EBF1: variants seen among roughly 807,000 people sequenced by gnomAD.
EBF1 encodes transcription factor COE1.
In EBF1, 10 loss-of-function variants were observed where a neutral mutation model predicts 68.4. The observed-to-expected ratio is 0.15, with a 90% CI of 0.09 to 0.25. The LOEUF (loss-of-function observed/expected upper bound fraction) is 0.25, where lower values mean the gene tolerates loss of function less well. EBF1 is among the 10% of genes least tolerant of loss of function. EBF1 has a pLI of 1.00. For synonymous variants in EBF1, 298 were observed against 299.8 expected (o/e 0.99, Z 0.06); for missense variants, 509 against 794.4 (o/e 0.64, Z 4.32).
chr5:158,982,104 A>G (rs1397329467), intron 6 of EBF1, among the ~76,000 whole-genome samples: 1 of 152,192 alleles, frequency 6.6e-6, no homozygotes, highest in African/African-American at 2.4e-5. Flanking sequence ...AAAATAAGTT[A>G]CAATGGCCTA....
chr5:158,728,861 T>C (rs538271834), intron 11 of EBF1, among the ~76,000 whole-genome samples: 1 of 152,218 alleles, frequency 6.6e-6, no homozygotes, highest in East Asian at 1.9e-4. Flanking sequence ...CACTGCTCGA[T>C]AAGTATTTTT....
At chr5:159,055,366 T>C (rs1314357008) in intron 6 of EBF1, among the ~76,000 whole-genome samples, 1 of 152,132 alleles carries the variant, frequency 6.6e-6, no homozygotes, top group Non-Finnish European at 1.5e-5. Context: ...CCAGAGAAGT[T>C]AAGAGACACA....
intron 6 of EBF1, among the ~76,000 whole-genome samples, chr5:158,883,876 A>T (rs1799457773): frequency 6.6e-6 from 1 of 152,188 alleles, no homozygotes; most frequent in Admixed American, 6.5e-5. Flanking sequence ...ACAGTCTATT[A>T]TAAGAGCCAT....
chr5:158,811,528 T>C (rs1288773618), intron 8 of EBF1, among the ~76,000 whole-genome samples: 1 of 152,202 alleles, frequency 6.6e-6, no homozygotes, highest in Non-Finnish European at 1.5e-5. Context: ...GTTTCCCAAA[T>C]GTGTTTAGTA....
At chr5:158,904,637 CT>C (rs974417092) in intron 6 of EBF1, among the ~76,000 whole-genome samples, 5 of 152,262 alleles carry the variant, frequency 3.3e-5, no homozygotes, top group Non-Finnish European at 7.4e-5. Context: ...CTGAATTTGA[CT>C]TTTTTCGAAA....
intron 8 of EBF1, among the ~76,000 whole-genome samples, chr5:158,812,083 C>T (rs1001218395): frequency 2.6e-5 from 4 of 152,278 alleles, no homozygotes; most frequent in South Asian, 2.1e-4. Flanking sequence ...AATACTTACA[C>T]TCATGTGACA....
intron 6 of EBF1, among the ~76,000 whole-genome samples, chr5:159,035,445 A>G (rs1438746672): frequency 6.6e-6 from 1 of 152,234 alleles, no homozygotes; most frequent in Admixed American, 6.5e-5. Context: ...TTAAGTTATC[A>G]GCAGAAATTT....
In EBF1 at chr5:158,712,131, G is replaced by A. The variant is rs115365806; in HGVS notation, c.1549+23C>T. The A allele has an allele frequency of 3.7e-3, 6,015 of 1,612,086 alleles. 182 individuals are homozygous for A. In the African/African-American group the frequency reaches 0.071, roughly 19 times the overall value. The stretch of plus-strand genomic sequence containing the variant: ...TTCTTCTAGCGAAACGTGCAGGAAC[G>A]CAGGATATGCATCTCTACTTACTGG... On this transcript the variant is annotated intron_variant, in intron 14 of 15. Coordinates refer to ENST00000313708, the MANE Select transcript of EBF1 (RefSeq NM_024007.5).
intron 6 of EBF1, among the ~76,000 whole-genome samples, chr5:159,041,465 G>A (rs1771189988): frequency 1.3e-5 from 2 of 152,272 alleles, no homozygotes; most frequent in East Asian, 3.9e-4. Flanking sequence ...TGGATTCTGT[G>A]TGGTTATTTT....
intron 6 of EBF1, among the ~76,000 whole-genome samples, chr5:158,896,873 C>G (rs1413625995): frequency 6.6e-6 from 1 of 152,142 alleles, no homozygotes. Flanking sequence ...TGCCCCTACC[C>G]CTGCCCACCC....
At chr5:158,978,835 C>CACACACACACACACACACAG (rs753714441) in intron 6 of EBF1, among the ~76,000 whole-genome samples, 2 of 146,934 alleles carry the variant, frequency 1.4e-5, no homozygotes, top group Non-Finnish European at 3.0e-5. Context: ...CACACACACA[C>CACACACACACACACACACAG]AGAGAGAGAG....
intron 6 of EBF1, among the ~76,000 whole-genome samples, chr5:158,919,589 GAATA>G (rs1018743797): frequency 1.5e-4 from 23 of 151,968 alleles, no homozygotes; most frequent in African/African-American, 4.6e-4. Context: ...TCATTTTTTT[GAATA>G]AATAAACACC....
intron 6 of EBF1, among the ~76,000 whole-genome samples, chr5:158,954,589 G>A (rs1346373931): frequency 1.3e-5 from 2 of 152,162 alleles, no homozygotes; most frequent in Non-Finnish European, 2.9e-5. Context: ...ACCTAATGAG[G>A]GGGTACGGAG....
intron 8 of EBF1, among the ~76,000 whole-genome samples, chr5:158,812,486 C>T (rs933522381): frequency 6.6e-6 from 1 of 152,032 alleles, no homozygotes; most frequent in Admixed American, 6.6e-5. Flanking sequence ...CATGCAAGGA[C>T]CCAGGTGGAT....
At chr5:158,932,986 C>G (rs980626504) in intron 6 of EBF1, among the ~76,000 whole-genome samples, 1 of 152,094 alleles carries the variant, frequency 6.6e-6, no homozygotes, top group Non-Finnish European at 1.5e-5. Context: ...TGATAGACAC[C>G]CTGGTCTCTG....
chr5:158,778,641 C>A lies in EBF1; in HGVS notation c.910-1102G>T, dbSNP rs370324340. On this transcript the variant is annotated intron_variant, in intron 9 of 15. Coordinates refer to ENST00000313708, the MANE Select transcript of EBF1 (RefSeq NM_024007.5). ...AGATAACACCATGAGAGGCTGGATG[C>A]GGCCAATGGGTCCCTGACTGGATAA... is the stretch of plus-strand genomic sequence containing the variant. Among the ~76,000 whole-genome samples the A allele has an allele frequency of 9.2e-5, 14 of 152,234 alleles. No homozygotes were observed. In the South Asian group the frequency reaches 2.5e-3, roughly 27 times the overall value.
chr5:158,722,431 G>C (rs1250769182), intron 11 of EBF1, among the ~76,000 whole-genome samples: 1 of 152,158 alleles, frequency 6.6e-6, no homozygotes, highest in Non-Finnish European at 1.5e-5. Flanking sequence ...AAAGTAGAGG[G>C]ACTGCTCAGT....
At chr5:159,005,162 G>A (rs1271214089) in intron 6 of EBF1, among the ~76,000 whole-genome samples, 1 of 152,160 alleles carries the variant, frequency 6.6e-6, no homozygotes, top group Non-Finnish European at 1.5e-5. Flanking sequence ...CAACCCACAA[G>A]AGCAGTAAAT....
chr5:158,915,487 G>A lies in EBF1; in HGVS notation c.555-75377C>T, dbSNP rs192321937. ...TGGCCACAGCAGCGGGGCCATCTCC[G>A]CTTCCCTTCTTTGTCTCTCCCTTCA... On this transcript the variant is annotated intron_variant, in intron 6 of 15. Coordinates refer to ENST00000313708, the MANE Select transcript of EBF1 (RefSeq NM_024007.5). Among the ~76,000 whole-genome samples the A allele has an allele frequency of 1.0e-3, 155 of 152,322 alleles. 2 individuals carry two copies. Among genetic ancestry groups the A allele is most frequent in the Admixed American group, 8.4e-3 (129 of 15,300 alleles).
Sources: gnomAD v4.1 joint callset for allele counts (sites outside exome capture counted in the v4.1 genomes callset) on GRCh38, gnomAD v4.1.1 for gene constraint, MANE v1.5 for transcripts, NCBI Gene and HGNC (gene_info 2026-07-23, HGNC 2026-07-21) for gene names.